Variants in DIAPH2 observed in about 807,000 individuals in gnomAD.
DIAPH2 encodes protein diaphanous homolog 2.
Under a neutral mutation model 92.7 loss-of-function variants are expected in DIAPH2, and 35 were observed. The ratio of observed to expected loss-of-function variants is 0.38; its 90% CI spans 0.29 to 0.50. The LOEUF (loss-of-function observed/expected upper bound fraction) is 0.50. DIAPH2 is among the 20% of genes least tolerant of loss of function. DIAPH2 has a pLI of 0.94. For synonymous variants in DIAPH2, 301 were observed against 280.4 expected, an observed-to-expected ratio of 1.07 and a Z score of -0.73; for missense variants, 701 against 819.5, an observed-to-expected ratio of 0.86 and a Z score of 1.77.
intron 4 of DIAPH2, among the ~76,000 whole-genome samples, chrX:96,849,652 T>C (rs1298044044): frequency 8.9e-6 from 1 of 112,156 alleles, no homozygotes; most frequent in Non-Finnish European, 1.9e-5. Context: ...TTTGGAAATG[T>C]ATAAAATGAC....
At chrX:96,958,800 A>C (rs2065829214) in intron 16 of DIAPH2, among the ~76,000 whole-genome samples, 1 of 111,138 alleles carries the variant, frequency 9.0e-6, no homozygotes, top group Non-Finnish European at 1.9e-5. Flanking sequence ...CTCACTTTTT[A>C]AGCTCCTATA....
intron 26 of DIAPH2, among the ~76,000 whole-genome samples, chrX:97,523,621 T>C (rs574444508): frequency 6.3e-5 from 7 of 111,634 alleles, no homozygotes; most frequent in African/African-American, 2.3e-4. Context: ...TTTTGGGCAA[T>C]ATTTGAAAAA....
intron 23 of DIAPH2, among the ~76,000 whole-genome samples, chrX:97,263,916 A>ATTTATTTT (rs2068312296): frequency 9.7e-6 from 1 of 103,254 alleles, no homozygotes; most frequent in African/African-American, 3.5e-5. Flanking sequence ...TTATTTATTT[A>ATTTATTTT]TTTATTTATT....
intron 19 of DIAPH2, among the ~76,000 whole-genome samples, chrX:97,086,427 A>G (rs982456784): frequency 3.6e-5 from 4 of 111,821 alleles, no homozygotes; most frequent in Non-Finnish European, 7.5e-5. Context: ...ATCAAAGAAT[A>G]TGAAATTTCA....
At chrX:96,780,860 T>G (rs1438807959) in intron 4 of DIAPH2, among the ~76,000 whole-genome samples, 1 of 106,154 alleles carries the variant, frequency 9.4e-6, no homozygotes, top group Non-Finnish European at 1.9e-5. Context: ...CAGGCTGGAG[T>G]GCAGTGGCTC....
intron 5 of DIAPH2, among the ~76,000 whole-genome samples, chrX:96,894,044 A>G (rs764671930): frequency 7.2e-5 from 8 of 110,548 alleles, no homozygotes; most frequent in Non-Finnish European, 1.3e-4. Flanking sequence ...AAGATAACAT[A>G]ATGTTATAGT....
At chrX:96,814,161 C>A in intron 4 of DIAPH2, among the ~76,000 whole-genome samples, 1 of 111,847 alleles carries the variant, frequency 8.9e-6, no homozygotes. Context: ...TCAGGTACCC[C>A]AAACAAACGT....
intron 21 of DIAPH2, among the ~76,000 whole-genome samples, chrX:97,117,166 GT>G (rs1374933140): frequency 4.5e-5 from 5 of 110,275 alleles, no homozygotes; most frequent in African/African-American, 1.7e-4. Context: ...TAGGAAAACA[GT>G]TGTCATTTAG....
intron 4 of DIAPH2, among the ~76,000 whole-genome samples, chrX:96,826,552 AC>A (rs1216229009): frequency 9.0e-6 from 1 of 111,018 alleles, no homozygotes; most frequent in Non-Finnish European, 1.9e-5. Context: ...GTGAATTACC[AC>A]CCTTTTACGT....
intron 22 of DIAPH2, among the ~76,000 whole-genome samples, chrX:97,177,936 C>T (rs754873883): frequency 1.8e-5 from 2 of 111,391 alleles, no homozygotes; most frequent in East Asian, 2.8e-4. Context: ...GGGCCAGGCA[C>T]GGTGGTTTGC....
chrX:97,427,290 C>A (rs772696816), intron 25 of DIAPH2, among the ~76,000 whole-genome samples: 3 of 111,246 alleles, frequency 2.7e-5, no homozygotes, highest in African/African-American at 9.8e-5. Flanking sequence ...CTAGTGAATC[C>A]TGTTAACTTA....
intron 22 of DIAPH2, among the ~76,000 whole-genome samples, chrX:97,210,552 CTG>C (rs989818549): frequency 8.9e-6 from 1 of 111,853 alleles, no homozygotes; most frequent in African/African-American, 3.2e-5. Context: ...TTCACAAACA[CTG>C]TGTGTTTTTA....
chrX:96,812,378 A>AT (rs762952540), intron 4 of DIAPH2, among the ~76,000 whole-genome samples: 67 of 111,479 alleles, frequency 6.0e-4, no homozygotes, highest in Non-Finnish European at 1.0e-3. Flanking sequence ...CCCCTTTATC[A>AT]TTTTTTATTG....
At chrX:96,960,390 AT>A (rs888675513) in intron 16 of DIAPH2, among the ~76,000 whole-genome samples, 3 of 106,440 alleles carry the variant, frequency 2.8e-5, no homozygotes, top group East Asian at 2.9e-4. Flanking sequence ...TTGCCTTTTT[AT>A]TTTTTTTTCC....
At chrX:97,421,400 G>C (rs1214474151) in intron 25 of DIAPH2, among the ~76,000 whole-genome samples, 1 of 111,070 alleles carries the variant, frequency 9.0e-6, no homozygotes, top group Non-Finnish European at 1.9e-5. Context: ...CTTCAATTTT[G>C]TGTTATCTAC....
At chrX:97,404,296 G>C (rs753885942) in intron 25 of DIAPH2, among the ~76,000 whole-genome samples, 80 of 111,478 alleles carry the variant, frequency 7.2e-4, no homozygotes, top group Non-Finnish European at 1.4e-3. Flanking sequence ...TTACTTCAGT[G>C]AAAGTTTTAT....
rs769336310 is a variant in DIAPH2 at position 96,738,269 on chromosome X, T to C, written c.166-317T>C. 3.1e-4 allele frequency among the ~76,000 whole-genome samples: 34 copies of C among 111,306 alleles called. No homozygotes were observed. In the East Asian group the frequency reaches 9.5e-3, roughly 31 times the overall value. ...TCTAAAGTTGCCACCAAAGACACAC[T>C]CTCCCAGAAACAACCAACAGGACTT... On this transcript the variant is annotated intron_variant, in intron 2 of 26. Transcript: ENST00000324765.
intron 5 of DIAPH2, among the ~76,000 whole-genome samples, chrX:96,907,446 T>C (rs1021172962): frequency 1.8e-5 from 2 of 112,340 alleles, no homozygotes; most frequent in African/African-American, 6.5e-5. Context: ...ATTAGCTAGA[T>C]GTTATAGAAA....
chrX:96,770,793 G>A (rs1195609100), intron 4 of DIAPH2, among the ~76,000 whole-genome samples: 2 of 111,378 alleles, frequency 1.8e-5, no homozygotes, highest in Non-Finnish European at 3.8e-5. Context: ...ATTTAATGAT[G>A]GTATATTATA....
Sources: gnomAD v4.1 joint callset for allele counts (sites outside exome capture counted in the v4.1 genomes callset) on GRCh38, gnomAD v4.1.1 for gene constraint, MANE v1.5 for transcripts, NCBI Gene and HGNC (gene_info 2026-07-23, HGNC 2026-07-21) for gene names.